Variants in TSPOAP1 observed in about 807,000 individuals in gnomAD.
The protein encoded by TSPOAP1 is peripheral-type benzodiazepine receptor-associated protein 1.
A neutral mutation model predicts 197.0 loss-of-function variants in TSPOAP1; 87 were observed. The ratio of observed to expected loss-of-function variants is 0.44; its 90% CI spans 0.37 to 0.53. The LOEUF is 0.53. Ranked by LOEUF, TSPOAP1 falls within the 20% of genes least tolerant of loss-of-function variation. The pLI is 0.00. For missense variants in TSPOAP1, 2,174 were observed against 2,411.3 expected, an observed-to-expected ratio of 0.90 and a Z score of 2.06; for synonymous variants, 913 against 998.9, an observed-to-expected ratio of 0.91 and a Z score of 1.62.
chr17:58,305,638 G>C lies in TSPOAP1; in HGVS notation c.5263C>G (p.Pro1755Ala), dbSNP rs750208459. 2.6e-6 allele frequency: 4 copies of C among 1,524,114 alleles called. No individual in the cohort carries two copies. The highest frequency in any genetic ancestry group is 2.0e-5 in the Admixed American group (1 of 50,304). 94.4% of individuals were successfully genotyped at this position (1,524,114 alleles called of 1,614,324 possible). A position where few individuals can be genotyped will look rare whatever the true frequency, so the allele number is the denominator to read the frequency against. The change falls in exon 28 of 32, where the codon CCT (proline) becomes GCT (alanine). Residue 1755 changes from proline (P) to alanine (A), a missense_variant. Coordinates refer to ENST00000343736, the MANE Select transcript of TSPOAP1 (RefSeq NM_004758.4). Reference sequence around the variant, plus strand: ...AGGTCAGCAGAGGGGACCAGCTTAGGGGGGCCTGCAGGGGGAGTAGGAGAA... The same window carrying C: ...AGGTCAGCAGAGGGGACCAGCTTAGCGGGGCCTGCAGGGGGAGTAGGAGAA... ...EGPAQPCPGP[P>A]KLVPSADLKA...
At chr17:58,316,742 T>G (rs1354719444) in intron 14 of TSPOAP1, among the ~76,000 whole-genome samples, 3 of 152,222 alleles carry the variant, frequency 2.0e-5, no homozygotes, top group Non-Finnish European at 2.9e-5. Flanking sequence ...AGAGCCCAGC[T>G]GCCCTGGGCA....
chr17:58,328,374 A>G lies in TSPOAP1; in HGVS notation c.-454T>C, dbSNP rs1971721969. 1 of 205,202 alleles carries G rather than the reference A, an allele frequency of 4.9e-6. No homozygotes were observed. Among genetic ancestry groups the G allele is most frequent in the East Asian group, 1.2e-4 (1 of 8,248 alleles). The allele number at this position is 205,202 out of a possible 1,614,324, so 12.7% of individuals were successfully genotyped here. A position where few individuals can be genotyped will look rare whatever the true frequency, so the allele number is the denominator to read the frequency against. On this transcript the variant is annotated 5_prime_UTR_variant, in exon 1 of 32. Transcript: ENST00000343736. The surrounding 1 kb of genome is among the most constrained non-coding windows in gnomAD (Gnocchi z 4.3). ...ACTGTCTGCCCATTTCAGAGTTGCC[A>G]GTTGTTTGTGTGTGTGTGTGTGGGT...
rs1017476523 is a variant in TSPOAP1 at position 58,316,690 on chromosome 17, CT to C, written c.1873-151del. ...GCACAGGAGCAGTGGCAAGGACCCC[CT>C]GATGCTCTCTAAATTAGTGCCTGAG... is the stretch of plus-strand genomic sequence containing the variant. On this transcript the variant is annotated intron_variant, in intron 14 of 31. Transcript: ENST00000343736. 8 of 618,770 alleles carry C rather than the reference CT, an allele frequency of 1.3e-5. No homozygotes were observed. In the African/African-American group the frequency reaches 1.5e-4, roughly 11 times the overall value. The allele number at this position is 618,770 out of a possible 1,614,324, so 38.3% of individuals were successfully genotyped here. A position where few individuals can be genotyped will look rare whatever the true frequency, so the allele number is the denominator to read the frequency against.
rs765571755 is a variant in TSPOAP1, at chr17:58,319,137, G to T, written c.1652C>A (p.Pro551His). 1 of 1,550,486 alleles carries T rather than the reference G, an allele frequency of 6.4e-7. No homozygotes were observed. The highest frequency in any genetic ancestry group is 1.2e-5 in the South Asian group (1 of 84,382). The change falls in exon 13 of 32, where the codon CCC (proline) becomes CAC (histidine). Residue 551 changes from proline (P) to histidine (H), a missense_variant. Physicochemically the swap from Pro to His is moderately conservative, Grantham distance 77 (BLOSUM62 -2). Around this residue, in one of 5 missense-constraint regions of TSPOAP1, gnomAD observed 1,933 missense variants for 2,139.0 expected, o/e 0.90. Transcript: ENST00000343736. ...CGSLGDCPPPPCCCSIPQPCR... is the reference protein window; with the variant it reads ...CGSLGDCPPPHCCCSIPQPCR... The stretch of plus-strand genomic sequence containing the variant: ...AGGCTGGGGAATGGAGCAGCAGCAG[G>T]GGGGTGGTGGGCAGTCTCCAAGGCT...
chr17:58,302,279 T>C lies in TSPOAP1; in HGVS notation c.*201A>G, dbSNP rs1474497596. ...GATGGGCCACAGCTTCACTCCTTCT[T>C]CCCAGAGCCCAGCCTCCTGAGGAGC... On this transcript the variant is annotated 3_prime_UTR_variant, in exon 32 of 32. Coordinates refer to ENST00000343736, the MANE Select transcript of TSPOAP1 (RefSeq NM_004758.4). 7.8e-7 allele frequency: 1 copy of C among 1,289,602 alleles called. No individual in the cohort carries two copies. The highest frequency in any genetic ancestry group is 2.3e-5 in the Admixed American group (1 of 43,548). The allele number at this position is 1,289,602 out of a possible 1,614,324, so 79.9% of individuals were successfully genotyped here.
chr17:58,305,831 A>AGGG lies in TSPOAP1; in HGVS notation c.5257+1_5257+2insCCC. The AGGG allele has an allele frequency of 6.2e-7, 1 of 1,612,728 alleles. No homozygotes were observed. The highest frequency in any genetic ancestry group is 1.7e-5 in the Admixed American group (1 of 59,954). On this transcript the variant is annotated splice_donor_variant, in intron 27 of 31. Coordinates refer to ENST00000343736, the MANE Select transcript of TSPOAP1 (RefSeq NM_004758.4). LOFTEE classifies it high-confidence loss of function. ...CTCCCGGGCCCAGGGATATTCCTTC[A>AGGG]CCTGGACAGGGCTGGGCAGGGCCTT...
rs928372074 is a variant in TSPOAP1, at chr17:58,328,333, G to A, written c.-413C>T. On this transcript the variant is annotated 5_prime_UTR_variant, in exon 1 of 32. Coordinates refer to ENST00000343736, the MANE Select transcript of TSPOAP1 (RefSeq NM_004758.4). The surrounding 1 kb of genome is among the most constrained non-coding windows in gnomAD (Gnocchi z 4.3). ...GCCCCCACTTCTGTGTGTTGAGGGGGGTGGTGCTGTGTGTCACTGTCTGCC... is the reference window on the plus strand; with the variant it reads ...GCCCCCACTTCTGTGTGTTGAGGGGAGTGGTGCTGTGTGTCACTGTCTGCC... 4.2e-6 allele frequency: 1 copy of A among 239,408 alleles called. No homozygotes were observed. Among genetic ancestry groups the A allele is most frequent in the Middle Eastern group, 1.5e-3 (1 of 662 alleles). 14.8% of individuals were successfully genotyped at this position (239,408 alleles called of 1,614,324 possible). A position where few individuals can be genotyped will look rare whatever the true frequency, so the allele number is the denominator to read the frequency against.
At chr17:58,306,230 C>T in intron 26 of TSPOAP1, 112 bp downstream of exon 26, 1 of 1,149,804 alleles carries the variant, frequency 8.7e-7, no homozygotes, top group Middle Eastern at 2.4e-4. Flanking sequence ...GCAGCGCCAC[C>T]CACCAGCACA....
At position 58,309,434 on chromosome 17, in the gene TSPOAP1, G is replaced by T. The variant is rs529301270; in HGVS notation, c.3892-54C>A. 1.3e-6 allele frequency: 2 copies of T among 1,544,858 alleles called. No homozygotes were observed. The highest frequency in any genetic ancestry group is 2.4e-5 in the South Asian group (2 of 82,440). ...ACACAGCAGGGAAGAGAGATGCGTG[G>T]GGAAGAGGAGAGCGAGCTGCGATCT... is the stretch of plus-strand genomic sequence containing the variant. On this transcript the variant is annotated intron_variant, in intron 21 of 31. Coordinates refer to ENST00000343736, the MANE Select transcript of TSPOAP1 (RefSeq NM_004758.4). The surrounding 1 kb of genome is among the most constrained non-coding windows in gnomAD (Gnocchi z 5.0).
chr17:58,307,420 C>A, intron 24 of TSPOAP1, 191 bp downstream of exon 24: 1 of 707,142 alleles, frequency 1.4e-6, no homozygotes, highest in South Asian at 2.1e-5. Flanking sequence ...AAACTGAGGC[C>A]CAGGGGGCCT....
chr17:58,321,965 C>A (rs1480948871), intron 10 of TSPOAP1: 1 of 265,798 alleles, frequency 3.8e-6, no homozygotes, highest in Non-Finnish European at 7.1e-6. Flanking sequence ...TTCTTCAGCT[C>A]TTCCCTGCCA....
In TSPOAP1 at chr17:58,304,416, A is replaced by C; in HGVS notation, c.5545-17T>G. On this transcript the variant is annotated splice_polypyrimidine_tract_variant and intron_variant, in intron 30 of 31. Transcript: ENST00000343736. This position sits in a 1 kb window ranked among gnomAD's most constrained non-coding sequence, Gnocchi z 4.2. ...CCTCGTTCTCTGAGGACAGGGAACA[A>C]AGAGAGGAGATGGGTTACCGACAGA... 6.2e-7 allele frequency: 1 copy of C among 1,611,634 alleles called. No homozygotes were observed. Among genetic ancestry groups the C allele is most frequent in the African/African-American group, 1.3e-5 (1 of 75,002 alleles).
chr17:58,327,786 A>T lies in TSPOAP1; in HGVS notation c.135T>A (p.Thr45=), dbSNP rs768924664. 6.2e-7 allele frequency: 1 copy of T among 1,614,132 alleles called. No individual in the cohort carries two copies. Residue 45 remains threonine, a synonymous_variant, in exon 1 of 32, where the codon ACT becomes ACA. Transcript: ENST00000343736. Reference sequence around the variant, plus strand: ...CTTGAAGCTGCAGAGCTGCCGGAGGAGTATCAGCGATGCTTGGGGCTGCAC... The same window carrying T: ...CTTGAAGCTGCAGAGCTGCCGGAGGTGTATCAGCGATGCTTGGGGCTGCAC... ...PSSAAPSIAD[T]PPAALQLQEL... is the part of the protein sequence containing the mutation.
intron 14 of TSPOAP1, among the ~76,000 whole-genome samples, 194 bp from the exon 15 acceptor site, chr17:58,316,734 A>G (rs1301530676): frequency 1.3e-5 from 2 of 152,232 alleles, no homozygotes; most frequent in Non-Finnish European, 2.9e-5. Context: ...GTCCTGGCAG[A>G]GCCCAGCTGC....
chr17:58,310,883 C>G lies in TSPOAP1; in HGVS notation c.3412G>C (p.Glu1138Gln), dbSNP rs1225726455. 9.1e-6 allele frequency: 14 copies of G among 1,542,032 alleles called. No individual in the cohort carries two copies. Among genetic ancestry groups the G allele is most frequent in the Non-Finnish European group, 1.0e-5 (12 of 1,148,846 alleles). ...PGAPPASPSR[E>Q]MAKGSHEDPP... ...TCCTCGTGGGACCCTTTTGCCATCT[C>G]TCTGGAAGGGCTTGCAGGGGGTGCT... Residue 1138 changes from glutamate (E) to glutamine (Q), a missense_variant, in exon 19 of 32, where the codon GAG (glutamate) becomes CAG (glutamine). Glu to Gln is a conservative substitution (Grantham distance 29). Coordinates refer to ENST00000343736, the MANE Select transcript of TSPOAP1 (RefSeq NM_004758.4).
At chr17:58,321,328 C>T (rs1023462242) in intron 10 of TSPOAP1, among the ~76,000 whole-genome samples, 4 of 150,502 alleles carry the variant, frequency 2.7e-5, no homozygotes, top group Admixed American at 6.6e-5. Context: ...GATGGAGTCT[C>T]GCTCTGTCGC....
At chr17:58,321,037 A>G (rs1971390849) in intron 10 of TSPOAP1, among the ~76,000 whole-genome samples, 1 of 152,120 alleles carries the variant, frequency 6.6e-6, no homozygotes, top group Admixed American at 6.5e-5. Context: ...GGTGGCTCCA[A>G]ATATCTCCAA....
rs115754016 is a variant in TSPOAP1 at position 58,309,472 on chromosome 17, G to A, written c.3892-92C>T. ...CGAGCTGCGATCTTTGCCCTCAAAC[G>A]AAGGCAGGGGTTACGGACAACCCCA... On this transcript the variant is annotated intron_variant, in intron 21 of 31. Transcript: ENST00000343736. This position sits in a 1 kb window ranked among gnomAD's most constrained non-coding sequence, Gnocchi z 5.0. 634 of 1,483,800 alleles carry A rather than the reference G, an allele frequency of 4.3e-4. 1 individual carries two copies. The African/African-American group carries it at 7.4e-3, about 17-fold the overall frequency. The allele number at this position is 1,483,800 out of a possible 1,614,324, so 91.9% of individuals were successfully genotyped here.
rs1464293980 is a variant in TSPOAP1 at position 58,306,457 on chromosome 17, A to G, written c.5153-44T>C. On this transcript the variant is annotated intron_variant, in intron 25 of 31. Coordinates refer to ENST00000343736, the MANE Select transcript of TSPOAP1 (RefSeq NM_004758.4). ...GAGAAAGCGAGGCAGGGGAGGTGGG[A>G]GAGACAGGACTGGGACTCTGGAGTT... 7.9e-6 allele frequency: 12 copies of G among 1,518,286 alleles called. No homozygotes were observed. The East Asian group carries it at 2.7e-4, about 34-fold the overall frequency. The allele number at this position is 1,518,286 out of a possible 1,614,324, so 94.1% of individuals were successfully genotyped here.
Sources: gnomAD v4.1 joint callset for allele counts (sites outside exome capture counted in the v4.1 genomes callset) on GRCh38, gnomAD v4.1.1 for gene constraint, gnomAD v4.1.1 regional missense constraint, Gnocchi (gnomAD v3.1) non-coding constraint, MANE v1.5 for transcripts, NCBI Gene and HGNC (gene_info 2026-07-23, HGNC 2026-07-21) for gene names.